Variants in PTPRT observed in about 807,000 individuals in gnomAD.
The protein encoded by PTPRT is receptor-type tyrosine-protein phosphatase T.
PTPRT carries 56 observed loss-of-function variants against 176.8 expected under a neutral mutation model. That is an observed-to-expected ratio of 0.32 (90% CI 0.26 to 0.40). PTPRT has a LOEUF of 0.40. PTPRT is among the 10% of genes least tolerant of loss of function. PTPRT has a pLI of 1.00. For synonymous variants in PTPRT, 783 were observed against 739.0 expected, an observed-to-expected ratio of 1.06 and a Z score of -0.96; for missense variants, 1,540 against 1,908.2, an observed-to-expected ratio of 0.81 and a Z score of 3.60.
At chr20:42,611,167 T>C (rs925614845) in intron 7 of PTPRT, among the ~76,000 whole-genome samples, 1 of 152,240 alleles carries the variant, frequency 6.6e-6, no homozygotes, top group Admixed American at 6.5e-5. Flanking sequence ...TATGTCTTCA[T>C]TTATCTTGGA....
At chr20:43,170,327 C>T (rs1467692945) in intron 1 of PTPRT, among the ~76,000 whole-genome samples, 1 of 152,080 alleles carries the variant, frequency 6.6e-6, no homozygotes, top group East Asian at 1.9e-4. Context: ...ATTTGCTAGG[C>T]ACTATTAATT....
At chr20:42,657,924 C>CTTTT (rs3092107) in intron 7 of PTPRT, among the ~76,000 whole-genome samples, 2 of 141,572 alleles carry the variant, frequency 1.4e-5, no homozygotes, top group African/African-American at 5.2e-5. Flanking sequence ...TGAGGTTTAC[C>CTTTT]TTTTTTTTTT....
At chr20:42,190,753 C>A (rs1479359790) in intron 16 of PTPRT, among the ~76,000 whole-genome samples, 3 of 152,166 alleles carry the variant, frequency 2.0e-5, no homozygotes, top group African/African-American at 4.8e-5. Flanking sequence ...CTGCTTTGAG[C>A]AGATGACTCA....
chr20:42,999,606 GGTTT>G (rs1254533197), intron 1 of PTPRT, among the ~76,000 whole-genome samples: 1 of 141,140 alleles, frequency 7.1e-6, no homozygotes, highest in African/African-American at 2.6e-5. Flanking sequence ...AAAAACTTGT[GGTTT>G]TTTTTTTGTT....
chr20:42,598,119 C>T (rs2073707379), intron 7 of PTPRT, among the ~76,000 whole-genome samples: 1 of 151,534 alleles, frequency 6.6e-6, no homozygotes, highest in Admixed American at 6.6e-5. Context: ...TGCACATGGC[C>T]TATCGTATAG....
chr20:42,749,258 C>T lies in PTPRT; in HGVS notation c.859+7204G>A, dbSNP rs574174370. ...TCTGGTACAAAGACTCTGCAAATGT[C>T]CCCTTGCCTACTTATCCAGCCCCAA... is the stretch of plus-strand genomic sequence containing the variant. On this transcript the variant is annotated intron_variant, in intron 6 of 30. Coordinates refer to ENST00000373187, the MANE Select transcript of PTPRT (RefSeq NM_007050.6). Among the ~76,000 whole-genome samples, 12 of 152,284 alleles carry T rather than the reference C, an allele frequency of 7.9e-5. No individual in the cohort carries two copies. The East Asian group carries it at 2.1e-3, about 27-fold the overall frequency.
chr20:42,259,542 T>C (rs2056710119), intron 13 of PTPRT, among the ~76,000 whole-genome samples: 1 of 152,184 alleles, frequency 6.6e-6, no homozygotes. Context: ...AAGACCCAGC[T>C]GGGGTAGAGA....
chr20:42,297,711 A>T (rs540876643), intron 12 of PTPRT, among the ~76,000 whole-genome samples: 1 of 152,302 alleles, frequency 6.6e-6, no homozygotes, highest in East Asian at 1.9e-4. Context: ...CCAGAAAAAC[A>T]CCCAAGAACA....
intron 6 of PTPRT, among the ~76,000 whole-genome samples, chr20:42,756,065 T>C (rs547811890): frequency 1.1e-4 from 17 of 152,334 alleles, no homozygotes; most frequent in African/African-American, 1.7e-4. Context: ...TGTCATTGTA[T>C]TGAGTTTTCA....
chr20:42,683,004 G>T (rs535284655), intron 6 of PTPRT, among the ~76,000 whole-genome samples: 1 of 152,130 alleles, frequency 6.6e-6, no homozygotes, highest in Non-Finnish European at 1.5e-5. Flanking sequence ...TTACTAAGAC[G>T]TGAAGTGAGC....
Position 42,783,850 on chromosome 20 carries a change from T to C in PTPRT, c.487-3551A>G, listed in dbSNP as rs577406813. On this transcript the variant is annotated intron_variant, in intron 3 of 30. Transcript: ENST00000373187. The stretch of plus-strand genomic sequence containing the variant: ...TCTGGTGCAGTGTTTTCCTCCTGTC[T>C]TCAGGAGGCAGGGGAGTAGGGATGG... Among the ~76,000 whole-genome samples, 9 of 152,206 alleles carry C rather than the reference T, an allele frequency of 5.9e-5. No individual in the cohort carries two copies. The South Asian group carries it at 1.9e-3, about 32-fold the overall frequency.
intron 18 of PTPRT, among the ~76,000 whole-genome samples, chr20:42,135,723 A>T (rs191309187): frequency 3.3e-5 from 5 of 152,118 alleles, no homozygotes; most frequent in Non-Finnish European, 5.9e-5. Flanking sequence ...TGCCATGGGG[A>T]TGCCATGCCA....
intron 9 of PTPRT, among the ~76,000 whole-genome samples, chr20:42,357,548 C>T (rs2058374330): frequency 6.6e-6 from 1 of 152,130 alleles, no homozygotes; most frequent in Non-Finnish European, 1.5e-5. Context: ...GAGTGACCCC[C>T]ATTTCTTTAC....
chr20:42,599,935 ATGGAGCCACATCCAGTTTCCTAAGCT>A (rs1281990635), intron 7 of PTPRT, among the ~76,000 whole-genome samples: 1 of 151,948 alleles, frequency 6.6e-6, no homozygotes, highest in Non-Finnish European at 1.5e-5. Flanking sequence ...AGGCCTCTCC[ATGGAGCCACATCCAGTTTCCTAAGCT>A]TACTACATCA....
At chr20:42,139,114 G>A (rs898804302) in intron 18 of PTPRT, among the ~76,000 whole-genome samples, 1 of 151,956 alleles carries the variant, frequency 6.6e-6, no homozygotes, top group African/African-American at 2.4e-5. Flanking sequence ...ATTCCAGGTT[G>A]TTTTTTTTCC....
Position 43,189,055 on chromosome 20 carries a change from G to A in PTPRT, c.88+591C>T, listed in dbSNP as rs1332127795. Among the ~76,000 whole-genome samples the A allele has an allele frequency of 1.3e-5, 2 of 152,198 alleles. No homozygotes were observed. The highest frequency in any genetic ancestry group is 2.9e-5 in the Non-Finnish European group (2 of 68,042). On this transcript the variant is annotated intron_variant, in intron 1 of 30. Coordinates refer to ENST00000373187, the MANE Select transcript of PTPRT (RefSeq NM_007050.6). This position sits in a 1 kb window ranked among gnomAD's most constrained non-coding sequence, Gnocchi z 5.0. ...TCGGAGAAAAGCCAGCGGGTAGGGC[G>A]GAGGTATTGCTCTCGGTCATCAACG...
intron 18 of PTPRT, among the ~76,000 whole-genome samples, chr20:42,129,481 TA>T (rs1452367909): frequency 1.3e-5 from 2 of 152,172 alleles, no homozygotes; most frequent in Non-Finnish European, 2.9e-5. Flanking sequence ...TAACACCAAA[TA>T]AAAACCATTA....
chr20:42,097,042 A>G (rs557439136), intron 27 of PTPRT, among the ~76,000 whole-genome samples: 1 of 152,338 alleles, frequency 6.6e-6, no homozygotes, highest in East Asian at 1.9e-4. Flanking sequence ...ATGAGACAGC[A>G]GTGTGGGTGG....
chr20:42,812,822 T>G (rs144840884), intron 2 of PTPRT, among the ~76,000 whole-genome samples: 1 of 152,184 alleles, frequency 6.6e-6, no homozygotes, highest in Non-Finnish European at 1.5e-5. Flanking sequence ...TCTAAATAAA[T>G]GTTTCATGCA....
Sources: gnomAD v4.1 joint callset for allele counts (sites outside exome capture counted in the v4.1 genomes callset) on GRCh38, gnomAD v4.1.1 for gene constraint, Gnocchi (gnomAD v3.1) non-coding constraint, MANE v1.5 for transcripts, NCBI Gene and HGNC (gene_info 2026-07-23, HGNC 2026-07-21) for gene names.